SLC2A13: variants seen among roughly 807,000 people sequenced by gnomAD.
The protein encoded by SLC2A13 is solute carrier family 2 member 13.
SLC2A13 carries 32 observed loss-of-function variants against 64.4 expected under a neutral mutation model. The ratio of observed to expected loss-of-function variants is 0.50; its 90% confidence interval spans 0.37 to 0.67. SLC2A13 has a LOEUF of 0.67. Among genes scored for constraint, SLC2A13 ranks in the 30% least tolerant of loss-of-function variants. The pLI, the probability that SLC2A13 is intolerant of heterozygous loss-of-function variation, is 0.00. For missense variants in SLC2A13, 743 were observed against 829.2 expected (o/e 0.90, Z 1.28); for synonymous variants, 338 against 327.1 (o/e 1.03, Z -0.36).
chr12:40,096,864 T>C (rs928089054), intron 1 of SLC2A13, among the ~76,000 whole-genome samples: 2 of 152,198 alleles, frequency 1.3e-5, no homozygotes, highest in African/African-American at 4.8e-5. Context: ...TCTTGGGATT[T>C]TCATTGCTAG....
intron 4 of SLC2A13, among the ~76,000 whole-genome samples, chr12:39,895,539 TATATATATATATACAC>T (rs1306639077): frequency 1.4e-4 from 13 of 95,482 alleles, no homozygotes; most frequent in Admixed American, 4.5e-4. Context: ...TATATATATA[TATATATATATATACAC>T]ACACACACAC....
intron 3 of SLC2A13, among the ~76,000 whole-genome samples, chr12:39,989,368 C>T (rs913152786): frequency 6.6e-6 from 1 of 152,110 alleles, no homozygotes; most frequent in Admixed American, 6.5e-5. Context: ...TAAATTTTAC[C>T]TTTTATCACC....
At chr12:40,040,399 T>G (rs7953129) in intron 2 of SLC2A13, among the ~76,000 whole-genome samples, 56,325 of 152,010 alleles carry the variant, frequency 0.37, 10,718 homozygotes, top group African/African-American at 0.44. Context: ...ATTTACTTTT[T>G]GGGGTTGTTT....
intron 3 of SLC2A13, among the ~76,000 whole-genome samples, chr12:40,003,249 C>T (rs1025578807): frequency 6.6e-6 from 1 of 152,134 alleles, no homozygotes; most frequent in African/African-American, 2.4e-5. Context: ...ATTATGCTAG[C>T]CTCAACTTCC....
intron 7 of SLC2A13, 121 bp downstream of exon 7, chr12:39,829,982 T>C (rs912149745): frequency 2.5e-6 from 3 of 1,206,212 alleles, no homozygotes; most frequent in African/African-American, 1.5e-5. Context: ...TGCTGCAAAG[T>C]AATGTAGTTA....
At chr12:39,867,737 T>G (rs1943945153) in intron 5 of SLC2A13, among the ~76,000 whole-genome samples, 1 of 152,174 alleles carries the variant, frequency 6.6e-6, no homozygotes. Flanking sequence ...TTATACTCTT[T>G]TGTTATTATA....
At chr12:40,044,733 G>T (rs1279089815) in intron 2 of SLC2A13, among the ~76,000 whole-genome samples, 1 of 152,056 alleles carries the variant, frequency 6.6e-6, no homozygotes, top group Non-Finnish European at 1.5e-5. Flanking sequence ...CAGAAACTTT[G>T]ACCCATCTGG....
intron 7 of SLC2A13, among the ~76,000 whole-genome samples, chr12:39,806,504 A>G (rs1337798084): frequency 6.6e-6 from 1 of 152,146 alleles, no homozygotes; most frequent in African/African-American, 2.4e-5. Context: ...ATCTGATTGC[A>G]TTTATCATTA....
At chr12:40,013,535 T>C (rs1259494844) in intron 3 of SLC2A13, among the ~76,000 whole-genome samples, 1 of 152,222 alleles carries the variant, frequency 6.6e-6, no homozygotes, top group East Asian at 1.9e-4. Flanking sequence ...AGTTTCTAGA[T>C]ATTAAGTAAC....
intron 6 of SLC2A13, among the ~76,000 whole-genome samples, chr12:39,833,220 CTGAGAAGTTG>C (rs1942907589): frequency 6.6e-6 from 1 of 152,092 alleles, no homozygotes; most frequent in Non-Finnish European, 1.5e-5. Flanking sequence ...AAGGACAGAG[CTGAGAAGTTG>C]TAACAAAAAT....
intron 6 of SLC2A13, among the ~76,000 whole-genome samples, chr12:39,857,271 T>C (rs1281771148): frequency 2.0e-5 from 3 of 152,230 alleles, no homozygotes; most frequent in South Asian, 4.1e-4. Context: ...TACTAAGTAC[T>C]GTGCTCATTA....
At chr12:39,970,654 T>A (rs1946631190) in intron 3 of SLC2A13, among the ~76,000 whole-genome samples, 1 of 152,250 alleles carries the variant, frequency 6.6e-6, no homozygotes, top group Admixed American at 6.5e-5. Flanking sequence ...CAAAGTTCAA[T>A]CTTTTGGTTT....
intron 3 of SLC2A13, among the ~76,000 whole-genome samples, chr12:39,954,220 A>T (rs534585994): frequency 6.6e-6 from 1 of 152,328 alleles, no homozygotes; most frequent in South Asian, 2.1e-4. Flanking sequence ...AAAAGTTTCC[A>T]GGCTGCAGCA....
intron 4 of SLC2A13, among the ~76,000 whole-genome samples, chr12:39,904,957 C>T (rs1005278175): frequency 1.3e-5 from 2 of 152,054 alleles, no homozygotes; most frequent in Non-Finnish European, 2.9e-5. Context: ...TTGATACAGA[C>T]GTGCAGGCAA....
chr12:39,919,741 C>T (rs1945582689), intron 4 of SLC2A13, among the ~76,000 whole-genome samples: 1 of 151,956 alleles, frequency 6.6e-6, no homozygotes, highest in African/African-American at 2.4e-5. Flanking sequence ...ATAATTTCAT[C>T]TTTTCTAATA....
At chr12:40,031,366 G>T (rs970076423) in intron 2 of SLC2A13, among the ~76,000 whole-genome samples, 2 of 152,190 alleles carry the variant, frequency 1.3e-5, no homozygotes, top group Non-Finnish European at 2.9e-5. Context: ...GGGACTACAG[G>T]TGCGTGCCAC....
chr12:39,889,170 T>A (rs1944539744), intron 4 of SLC2A13, among the ~76,000 whole-genome samples: 1 of 152,152 alleles, frequency 6.6e-6, no homozygotes, highest in Non-Finnish European at 1.5e-5. Flanking sequence ...TTATTAGGCT[T>A]ATTAGATCTT....
At chr12:39,949,232 C>T (rs916602817) in intron 4 of SLC2A13, among the ~76,000 whole-genome samples, 1 of 152,114 alleles carries the variant, frequency 6.6e-6, no homozygotes, top group Non-Finnish European at 1.5e-5. Flanking sequence ...ATCCTTTAAC[C>T]TCTAGACATG....
intron 1 of SLC2A13, among the ~76,000 whole-genome samples, chr12:40,090,394 T>C (rs1938726944): frequency 6.6e-6 from 1 of 152,172 alleles, no homozygotes; most frequent in Non-Finnish European, 1.5e-5. Flanking sequence ...CTTATCTTCA[T>C]GACTGCTTAA....
Sources: gnomAD v4.1 joint callset for allele counts (sites outside exome capture counted in the v4.1 genomes callset) on GRCh38, gnomAD v4.1.1 for gene constraint, MANE v1.5 for transcripts, NCBI Gene and HGNC (gene_info 2026-07-23, HGNC 2026-07-21) for gene names.